CHD5: variants seen among roughly 807,000 people sequenced by gnomAD.
The protein encoded by CHD5 is ATP-dependent chromatin remodeler CHD5.
CHD5 carries 69 observed loss-of-function variants against 230.3 expected under a neutral mutation model. The ratio of observed to expected loss-of-function variants is 0.30; its 90% confidence interval spans 0.25 to 0.37. The LOEUF (loss-of-function observed/expected upper bound fraction) is 0.37, where lower values mean the gene tolerates loss of function less well. CHD5 is among the 10% of genes least tolerant of loss of function. The pLI, the probability that CHD5 is intolerant of heterozygous loss-of-function variation, is 1.00. For missense variants in CHD5, 1,827 were observed against 2,622.8 expected, an observed-to-expected ratio of 0.70 and a Z score of 6.63; for synonymous variants, 1,064 against 1,065.9, an observed-to-expected ratio of 1.00 and a Z score of 0.03.
rs1667132697 is a variant in CHD5 at position 6,159,435 on chromosome 1, A to G, written c.288T>C (p.Asn96=). 1 of 1,576,218 alleles carries G rather than the reference A, an allele frequency of 6.3e-7. No homozygotes were observed. Among genetic ancestry groups the G allele is most frequent in the African/African-American group, 1.4e-5 (1 of 73,704 alleles). The change falls in exon 3 of 42, where the codon AAT becomes AAC. Residue 96 remains asparagine, a synonymous_variant. Coordinates refer to ENST00000262450, the MANE Select transcript of CHD5 (RefSeq NM_015557.3). The part of the protein sequence containing the change: ...SESEGSDYSP[N]KKKKKKLKDK... ...CCTTGAGTTTCTTCTTCTTCTTTTT[A>G]TTCGGGGAGTAGTCACTGCCTTCAC...
chr1:6,143,677 A>ACATGG, intron 13 of CHD5, 146 bp downstream of exon 13: 1 of 714,356 alleles, frequency 1.4e-6, no homozygotes, highest in Non-Finnish European at 2.4e-6. Context: ...CAGCTGTCCT[A>ACATGG]GCCTACATGG....
chr1:6,156,708 A>T lies in CHD5; in HGVS notation c.388-991T>A, dbSNP rs1175877273. 2.6e-5 allele frequency among the ~76,000 whole-genome samples: 4 copies of T among 152,104 alleles called. No homozygotes were observed. The East Asian group carries it at 7.7e-4, about 29-fold the overall frequency. On this transcript the variant is annotated intron_variant, in intron 3 of 41. Transcript: ENST00000262450. The stretch of plus-strand genomic sequence containing the variant: ...TGGGGGCACAGCCCAGAGAGGATCC[A>T]ACTACTGCTGAGGCCTGGGGTGGAG...
Position 6,128,204 on chromosome 1 carries a change from CG to C in CHD5, c.3744del (p.Asp1248GlufsTer7). 1 of 1,614,062 alleles carries C rather than the reference CG, an allele frequency of 6.2e-7. No individual in the cohort carries two copies. Among genetic ancestry groups the C allele is most frequent in the Non-Finnish European group, 8.5e-7 (1 of 1,179,988 alleles). On this transcript the variant is annotated frameshift_variant, in exon 25 of 42. Transcript: ENST00000262450. LOFTEE classifies it high-confidence loss of function. This position sits in a 1 kb window ranked among gnomAD's most constrained non-coding sequence, Gnocchi z 7.8. ...HGSTPPGDNK[D>X]VEDSSVIHYD... ...TAGTGGATCACACTGCTGTCCTCCACGTCCTTGTTGTCACCTGGGGAGCAGG... is the reference window on the plus strand; with the variant it reads ...TAGTGGATCACACTGCTGTCCTCCACTCCTTGTTGTCACCTGGGGAGCAGG...
At position 6,146,867 on chromosome 1, in the gene CHD5, G is replaced by A; in HGVS notation, c.1388C>T (p.Pro463Leu). Residue 463 changes from proline to leucine, a missense_variant, in exon 10 of 42, where the codon CCC (proline) becomes CTC (leucine). Coordinates refer to ENST00000262450, the MANE Select transcript of CHD5 (RefSeq NM_015557.3). The surrounding 1 kb of genome is among the most constrained non-coding windows in gnomAD (Gnocchi z 5.1). ...GEWLCPRCTCPPLKGKVQRIL... is the reference protein window; with the variant it reads ...GEWLCPRCTCLPLKGKVQRIL... The stretch of plus-strand genomic sequence containing the variant: ...CCGCTGGACTTTGCCCTTCAGTGGG[G>A]GGCACTGTGGACAGAGAAGGGTCCC... 1 of 1,505,744 alleles carries A rather than the reference G, an allele frequency of 6.6e-7. No homozygotes were observed. 93.3% of individuals were successfully genotyped at this position (1,505,744 alleles called of 1,614,324 possible).
In CHD5 at chr1:6,128,540, A is replaced by G; in HGVS notation, c.3689T>C (p.Leu1230Ser). 6.2e-7 allele frequency: 1 copy of G among 1,614,154 alleles called. No homozygotes were observed. Among genetic ancestry groups the G allele is most frequent in the Non-Finnish European group, 8.5e-7 (1 of 1,180,022 alleles). The change falls in exon 24 of 42, where the codon TTG becomes TCG. Residue 1230 changes from leucine (L) to serine (S), a missense_variant. Leu to Ser is a moderately radical substitution (Grantham distance 145). This residue lies in a region of CHD5 where 25 missense variants were observed against 20.3 expected (regional missense o/e 1.23). Transcript: ENST00000262450. The surrounding 1 kb of genome is among the most constrained non-coding windows in gnomAD (Gnocchi z 7.8). ...GTGCTTCTTCTTTGCACTGGCGGCC[A>G]AGTTCCCCCCTTTGGAGGACTGGAC... is the stretch of plus-strand genomic sequence containing the variant. ...PDVQSSKGGN[L>S]AASAKKKHGS... is the part of the protein sequence containing the mutation.
intron 1 of CHD5, among the ~76,000 whole-genome samples, chr1:6,169,316 G>A (rs1487199776): frequency 6.6e-6 from 1 of 152,260 alleles, no homozygotes; most frequent in African/African-American, 2.4e-5. Flanking sequence ...AGTCCACAGA[G>A]AGACGCCGTG....
intron 34 of CHD5, 137 bp from the exon 35 acceptor site, chr1:6,112,414 G>A: frequency 8.8e-7 from 1 of 1,131,246 alleles, no homozygotes; most frequent in South Asian, 1.5e-5. Context: ...CTGCCCAGAA[G>A]GGTCTTAAAC....
At position 6,142,885 on chromosome 1, in the gene CHD5, C is replaced by A. The variant is rs1392655072; in HGVS notation, c.2044-280G>T. Among the ~76,000 whole-genome samples, 1 of 152,150 alleles carries A rather than the reference C, an allele frequency of 6.6e-6. No individual in the cohort carries two copies. Among genetic ancestry groups the A allele is most frequent in the Non-Finnish European group, 1.5e-5 (1 of 68,028 alleles). The stretch of plus-strand genomic sequence containing the variant: ...GACTGTTGAATTCTCTGACTCTGAG[C>A]CCAGGTTGTCATCACCACCTTGGTC... On this transcript the variant is annotated intron_variant, in intron 13 of 41. Transcript: ENST00000262450. This position sits in a 1 kb window ranked among gnomAD's most constrained non-coding sequence, Gnocchi z 5.2.
Position 6,119,742 on chromosome 1 carries a change from C to T in CHD5, c.4912+1363G>A, listed in dbSNP as rs532157227. ...GTATATATACGTACATATATAGGTA[C>T]ATATGTACGTACATACGTGCGTACA... On this transcript the variant is annotated intron_variant, in intron 33 of 41. Coordinates refer to ENST00000262450, the MANE Select transcript of CHD5 (RefSeq NM_015557.3). Among the ~76,000 whole-genome samples, 235 of 149,090 alleles carry T rather than the reference C, an allele frequency of 1.6e-3. 1 individual carries two copies. Among genetic ancestry groups the T allele is most frequent in the African/African-American group, 5.6e-3 (229 of 40,604 alleles).
At chr1:6,106,855 G>C (rs1666178937) in intron 38 of CHD5, 76 bp from the exon 39 acceptor site, 1 of 534,524 alleles carries the variant, frequency 1.9e-6, no homozygotes, top group East Asian at 7.3e-5. Flanking sequence ...AGGATGGAGG[G>C]ATGGAGGGGT....
chr1:6,144,818 C>T lies in CHD5; in HGVS notation c.1803-663G>A, dbSNP rs552141587. Among the ~76,000 whole-genome samples, 11 of 152,318 alleles carry T rather than the reference C, an allele frequency of 7.2e-5. No homozygotes were observed. In the South Asian group the frequency reaches 2.1e-3, roughly 29 times the overall value. On this transcript the variant is annotated intron_variant, in intron 11 of 41. Coordinates refer to ENST00000262450, the MANE Select transcript of CHD5 (RefSeq NM_015557.3). Reference sequence around the variant, plus strand: ...CAGCAGTGCCGAGGAGGCACACAGACCCGGTGAGCAGCGGCTGCTGCGGGC... The same window carrying T: ...CAGCAGTGCCGAGGAGGCACACAGATCCGGTGAGCAGCGGCTGCTGCGGGC...
intron 15 of CHD5, among the ~76,000 whole-genome samples, chr1:6,140,212 C>G (rs1401872098): frequency 6.6e-6 from 1 of 152,046 alleles, no homozygotes; most frequent in Non-Finnish European, 1.5e-5. Context: ...ACCATCCTGG[C>G]CAACATGTGA....
intron 38 of CHD5, among the ~76,000 whole-genome samples, chr1:6,108,727 A>G (rs1354766133): frequency 7.3e-6 from 1 of 137,538 alleles, no homozygotes; most frequent in African/African-American, 2.8e-5. Context: ...GAAGGGAAGG[A>G]GGGATGATGG....
intron 38 of CHD5, among the ~76,000 whole-genome samples, chr1:6,109,324 C>T (rs1043455342): frequency 8.5e-5 from 13 of 152,158 alleles, no homozygotes; most frequent in Non-Finnish European, 1.2e-4. Flanking sequence ...CCGGGAGCCC[C>T]GAGGGCAGAA....
In CHD5 at chr1:6,126,247, A is replaced by C. The variant is rs1571146748; in HGVS notation, c.4078+325T>G. 6.7e-6 allele frequency among the ~76,000 whole-genome samples: 1 copy of C among 149,324 alleles called. No individual in the cohort carries two copies. Among genetic ancestry groups the C allele is most frequent in the East Asian group, 2.0e-4 (1 of 5,036 alleles). On this transcript the variant is annotated intron_variant, in intron 26 of 41. Transcript: ENST00000262450. This position sits in a 1 kb window ranked among gnomAD's most constrained non-coding sequence, Gnocchi z 5.7. ...GCGCCGCCCAGCGTTCCTGGCCCCCACCTCCCGGGGGGGTCCTGCACAGGG... is the reference window on the plus strand; with the variant it reads ...GCGCCGCCCAGCGTTCCTGGCCCCCCCCTCCCGGGGGGGTCCTGCACAGGG...
intron 39 of CHD5, 26 bp from the exon 40 acceptor site, chr1:6,106,535 G>A (rs1666170644): frequency 6.4e-7 from 1 of 1,550,474 alleles, no homozygotes; most frequent in East Asian, 2.4e-5. Context: ...CAGCTTCACA[G>A]GTGGTCTCAG....
At chr1:6,109,691 G>A in intron 38 of CHD5, 104 bp downstream of exon 38, 1 of 990,830 alleles carries the variant, frequency 1.0e-6, no homozygotes, top group East Asian at 2.5e-5. Context: ...GCTGACATCT[G>A]TCCCCAGCCC....
chr1:6,175,235 T>C (rs1197947554), intron 1 of CHD5, among the ~76,000 whole-genome samples: 2 of 144,662 alleles, frequency 1.4e-5, no homozygotes, highest in African/African-American at 5.3e-5. Flanking sequence ...CGTGGTTGGA[T>C]TGTGGATTGA....
In CHD5 at chr1:6,132,880, T is replaced by TTCTCTCTCTCTCTC. The variant is rs111561200; in HGVS notation, c.3145-1146_3145-1133dup. On this transcript the variant is annotated intron_variant, in intron 20 of 41. Transcript: ENST00000262450. Reference sequence around the variant, plus strand: ...AGTCTTTTCAGGCTATCCTATTCTTTTCTCTCTCTCTCTCTCTCTCTCTCT... The same window carrying TTCTCTCTCTCTCTC: ...AGTCTTTTCAGGCTATCCTATTCTTTTCTCTCTCTCTCTCTCTCTCTCTCTCTCTCTCTCTCTCT... Among the ~76,000 whole-genome samples the TTCTCTCTCTCTCTC allele has an allele frequency of 1.8e-3, 267 of 144,518 alleles. 1 individual carries two copies. The highest frequency in any genetic ancestry group is 9.9e-3 in the East Asian group (47 of 4,740). The allele number at this position is 144,518 out of a possible 152,430, so 94.8% of individuals were successfully genotyped here.
Sources: allele counts gnomAD v4.1 joint callset (sites outside exome capture counted in the v4.1 genomes callset), GRCh38; gene constraint gnomAD v4.1.1; regional missense constraint gnomAD v4.1.1; non-coding constraint Gnocchi (gnomAD v3.1); transcripts MANE v1.5; gene names NCBI Gene and HGNC (gene_info 2026-07-23, HGNC 2026-07-21).